The following CFAP300 variants were observed in gnomAD, a reference collection of about 807,000 sequenced individuals.
CFAP300 encodes the protein cilia- and flagella-associated protein 300.
A neutral mutation model predicts 33.0 loss-of-function variants in CFAP300; 32 were observed. The observed-to-expected ratio is 0.97, with a 90% CI of 0.73 to 1.30. The LOEUF (loss-of-function observed/expected upper bound fraction) is 1.30. CFAP300 is among the 50% of genes most tolerant of loss of function. CFAP300 has a pLI of 0.00. For synonymous variants in CFAP300, 102 were observed against 106.8 expected (o/e 0.95, Z 0.28); for missense variants, 356 against 318.1 (o/e 1.12, Z -0.90).
intron 2 of CFAP300, among the ~76,000 whole-genome samples, chr11:102,051,178 G>T (rs1396926039): frequency 2.6e-5 from 4 of 152,130 alleles, no homozygotes; most frequent in African/African-American, 7.2e-5. Context: ...AGGAAAATGA[G>T]TTCAGTTTCA....
At position 102,060,948 on chromosome 11, in the gene CFAP300, C is replaced by A. The variant is rs148156458; in HGVS notation, c.268+1993C>A. On this transcript the variant is annotated intron_variant, in intron 3 of 6. Coordinates refer to ENST00000434758, the MANE Select transcript of CFAP300 (RefSeq NM_032930.3). ...ATATATTTACCCAACTCAAAATTTT[C>A]AAAAGGAAATAATCAGAGCCATGTA... 4.9e-3 allele frequency among the ~76,000 whole-genome samples: 749 copies of A among 152,132 alleles called. 1 individual carries two copies. The highest frequency in any genetic ancestry group is 0.02 in the Middle Eastern group (6 of 294).
In CFAP300 at chr11:102,077,553, T is replaced by C. The variant is rs529246325; in HGVS notation, c.608+1508T>C. Among the ~76,000 whole-genome samples, 3 of 152,330 alleles carry C rather than the reference T, an allele frequency of 2.0e-5. No homozygotes were observed. In the East Asian group the frequency reaches 5.8e-4, roughly 29 times the overall value. On this transcript the variant is annotated intron_variant, in intron 5 of 6. Transcript: ENST00000434758. ...TATAACAGGTCCTATAAAACACACC[T>C]TTTTTATTTTTTAAATTTTAATCAT...
intron 6 of CFAP300, 22 bp downstream of exon 6, chr11:102,081,303 C>T (rs765054653): frequency 6.3e-7 from 1 of 1,589,908 alleles, no homozygotes; most frequent in South Asian, 1.1e-5. Context: ...AGAACTTTTG[C>T]AACCAAAGAA....
chr11:102,064,934 G>A (rs1430701993), intron 3 of CFAP300, among the ~76,000 whole-genome samples: 1 of 152,172 alleles, frequency 6.6e-6, no homozygotes, highest in African/African-American at 2.4e-5. Flanking sequence ...AGGGAATGGA[G>A]GATGGGGCAA....
At position 102,047,894 on chromosome 11, in the gene CFAP300, A is replaced by G. The variant is rs149509408; in HGVS notation, c.190A>G (p.Met64Val). The G allele has an allele frequency of 2.2e-5, 36 of 1,613,904 alleles. No homozygotes were observed. The highest frequency in any genetic ancestry group is 2.9e-5 in the Non-Finnish European group (34 of 1,179,988). The change falls in exon 2 of 7, where the codon ATG becomes GTG. Residue 64 changes from methionine (M) to valine (V), a missense_variant and splice_region_variant. Met to Val is a conservative substitution (Grantham distance 21). Coordinates refer to ENST00000434758, the MANE Select transcript of CFAP300 (RefSeq NM_032930.3). ...GTCCTATCGGAAGGATGATTTCGTT[A>G]TGGTTAGTATGGGGGTCGGAGAGTT... Reference protein sequence around the residue: ...FQSYRKDDFVMAFFKDPNVIP... With the variant: ...FQSYRKDDFVVAFFKDPNVIP...
intron 4 of CFAP300, among the ~76,000 whole-genome samples, chr11:102,072,227 G>A (rs1012696117): frequency 6.6e-6 from 1 of 151,520 alleles, no homozygotes; most frequent in Admixed American, 6.6e-5. Context: ...CTGTCTTCAA[G>A]TTCTGAAACT....
chr11:102,053,294 A>G (rs191889176), intron 2 of CFAP300, among the ~76,000 whole-genome samples: 9 of 150,130 alleles, frequency 6.0e-5, no homozygotes, highest in Non-Finnish European at 1.0e-4. Context: ...TCTCACGCCT[A>G]TAATCCCAGC....
At chr11:102,078,976 C>T (rs1942437814) in intron 5 of CFAP300, among the ~76,000 whole-genome samples, 1 of 152,158 alleles carries the variant, frequency 6.6e-6, no homozygotes, top group African/African-American at 2.4e-5. Context: ...ACCCAAAGTG[C>T]TGGGATTACA....
At chr11:102,068,006 C>T (rs1265785423) in intron 4 of CFAP300, among the ~76,000 whole-genome samples, 1 of 152,164 alleles carries the variant, frequency 6.6e-6, no homozygotes, top group Non-Finnish European at 1.5e-5. Context: ...GTCAAATAGC[C>T]ATATGTTCAA....
chr11:102,066,345 C>T (rs569366581), intron 3 of CFAP300, 140 bp from the exon 4 acceptor site: 16 of 482,848 alleles, frequency 3.3e-5, no homozygotes, highest in Middle Eastern at 1.2e-3. Flanking sequence ...AATTCATAAA[C>T]TAATATATAT....
rs1251904093 is a variant in CFAP300 at position 102,083,056 on chromosome 11, G to A, written c.676-15G>A. On this transcript the variant is annotated splice_polypyrimidine_tract_variant and intron_variant, in intron 6 of 6. Coordinates refer to ENST00000434758, the MANE Select transcript of CFAP300 (RefSeq NM_032930.3). ...ATAAAATAAAATAATAATAATTTAG[G>A]TTTGTCTTTTTCAGGATTCTGCTGG... 6 of 1,338,326 alleles carry A rather than the reference G, an allele frequency of 4.5e-6. No individual in the cohort carries two copies. Among genetic ancestry groups the A allele is most frequent in the Non-Finnish European group, 5.9e-6 (6 of 1,023,040 alleles). 82.9% of individuals were successfully genotyped at this position (1,338,326 alleles called of 1,614,324 possible). A position where few individuals can be genotyped will look rare whatever the true frequency, so the allele number is the denominator to read the frequency against.
intron 4 of CFAP300, among the ~76,000 whole-genome samples, chr11:102,073,899 C>G (rs1281514880): frequency 6.6e-6 from 1 of 152,170 alleles, no homozygotes; most frequent in Non-Finnish European, 1.5e-5. Flanking sequence ...AGGGAACATG[C>G]AAGTGCGTGG....
intron 4 of CFAP300, among the ~76,000 whole-genome samples, chr11:102,070,290 G>A (rs976009195): frequency 1.3e-5 from 2 of 152,256 alleles, no homozygotes; most frequent in South Asian, 4.1e-4. Context: ...TAAATAAACT[G>A]TGTATGGACA....
At chr11:102,055,421 A>C (rs1591315089) in intron 2 of CFAP300, among the ~76,000 whole-genome samples, 1 of 131,698 alleles carries the variant, frequency 7.6e-6, no homozygotes, top group South Asian at 2.3e-4. Flanking sequence ...CAATGGTGCG[A>C]TCTCAGCTCA....
chr11:102,068,745 C>G (rs1942265480), intron 4 of CFAP300, among the ~76,000 whole-genome samples: 1 of 152,166 alleles, frequency 6.6e-6, no homozygotes, highest in Non-Finnish European at 1.5e-5. Flanking sequence ...TGAGATCACA[C>G]CACTGCATTC....
chr11:102,071,997 A>G (rs1942320096), intron 4 of CFAP300, among the ~76,000 whole-genome samples: 1 of 152,126 alleles, frequency 6.6e-6, no homozygotes. Flanking sequence ...GGGATCTTTA[A>G]GGTTCCTGTA....
chr11:102,064,197 A>G (rs1197135161), intron 3 of CFAP300, among the ~76,000 whole-genome samples: 1 of 152,164 alleles, frequency 6.6e-6, no homozygotes, highest in African/African-American at 2.4e-5. Flanking sequence ...GTTTGAACTT[A>G]ATCATATTTT....
intron 4 of CFAP300, 137 bp downstream of exon 4, chr11:102,066,788 T>C (rs768407681): frequency 4.5e-6 from 3 of 669,638 alleles, no homozygotes. Flanking sequence ...TCGGTAATAA[T>C]CCTAACATTG....
intron 2 of CFAP300, 116 bp from the exon 3 acceptor site, chr11:102,058,764 C>T: frequency 4.7e-6 from 3 of 633,108 alleles, no homozygotes; most frequent in Non-Finnish European, 8.1e-6. Flanking sequence ...GACATTTTAC[C>T]AATTTAAAAT....
Sources: gnomAD v4.1 joint callset for allele counts (sites outside exome capture counted in the v4.1 genomes callset) on GRCh38, gnomAD v4.1.1 for gene constraint, MANE v1.5 for transcripts, NCBI Gene and HGNC (gene_info 2026-07-23, HGNC 2026-07-21) for gene names.